Variants in BBS9 observed in about 807,000 individuals in gnomAD.
BBS9 encodes Bardet-Biedl syndrome 9.
A neutral mutation model predicts 117.7 loss-of-function variants in BBS9; 89 were observed. The observed-to-expected ratio is 0.76, with a 90% CI of 0.64 to 0.90. The LOEUF (loss-of-function observed/expected upper bound fraction) is 0.90, where lower values mean the gene tolerates loss of function less well. Ranked by LOEUF, BBS9 falls within the 40% of genes least tolerant of loss-of-function variation. The pLI is 0.00. For missense variants in BBS9, 982 were observed against 1,042.2 expected, an observed-to-expected ratio of 0.94 and a Z score of 0.80; for synonymous variants, 379 against 370.9, an observed-to-expected ratio of 1.02 and a Z score of -0.25.
At chr7:33,319,162 C>CAAA (rs766634541) in intron 9 of BBS9, among the ~76,000 whole-genome samples, 5 of 127,014 alleles carry the variant, frequency 3.9e-5, no homozygotes, top group African/African-American at 1.2e-4. Flanking sequence ...GACTCTATGT[C>CAAA]AAAAAAAAAA....
At chr7:33,234,176 A>G (rs559289179) in intron 5 of BBS9, among the ~76,000 whole-genome samples, 5 of 152,194 alleles carry the variant, frequency 3.3e-5, no homozygotes, top group Admixed American at 1.3e-4. Context: ...CAAGATTACT[A>G]TGTCTAATTT....
chr7:33,605,544 G>A lies in BBS9; in HGVS notation c.*318G>A, dbSNP rs1471042593. The A allele has an allele frequency of 5.5e-6, 2 of 361,484 alleles. No individual in the cohort carries two copies. The highest frequency in any genetic ancestry group is 3.8e-5 in the South Asian group (1 of 26,226). The allele number at this position is 361,484 out of a possible 1,614,324, so 22.4% of individuals were successfully genotyped here. Reference sequence around the variant, plus strand: ...TTAGATTTTATAATGCAAAGATTCAGATCCAAAATAATTTCATACCCCATT... The same window carrying A: ...TTAGATTTTATAATGCAAAGATTCAAATCCAAAATAATTTCATACCCCATT... On this transcript the variant is annotated 3_prime_UTR_variant, in exon 23 of 23. Coordinates refer to ENST00000242067, the MANE Select transcript of BBS9 (RefSeq NM_198428.3).
chr7:33,317,317 A>G (rs1003616212), intron 9 of BBS9, among the ~76,000 whole-genome samples: 3 of 151,742 alleles, frequency 2.0e-5, no homozygotes, highest in Non-Finnish European at 2.9e-5. Flanking sequence ...TCTTTTTTCA[A>G]GGTTGTTTTG....
At chr7:33,354,555 A>C (rs1465894958) in intron 15 of BBS9, among the ~76,000 whole-genome samples, 1 of 152,154 alleles carries the variant, frequency 6.6e-6, no homozygotes, top group Non-Finnish European at 1.5e-5. Flanking sequence ...CCTTGTTTTC[A>C]ATATGAAATT....
At chr7:33,512,856 T>C (rs1847173567) in intron 20 of BBS9, among the ~76,000 whole-genome samples, 1 of 152,242 alleles carries the variant, frequency 6.6e-6, no homozygotes, top group African/African-American at 2.4e-5. Context: ...GAAATCTTTC[T>C]GGAAACGCCC....
At chr7:33,148,705 C>G (rs970950803) in intron 2 of BBS9, among the ~76,000 whole-genome samples, 3 of 147,540 alleles carry the variant, frequency 2.0e-5, no homozygotes, top group African/African-American at 7.6e-5. Context: ...TGCTCTGCTG[C>G]CCAGGATGGA....
chr7:33,252,133 GGTGCTACACACTTTTAAACAACAA>G (rs2128302949), intron 5 of BBS9, among the ~76,000 whole-genome samples: 1 of 152,072 alleles, frequency 6.6e-6, no homozygotes, highest in South Asian at 2.1e-4. Flanking sequence ...GGAGGGGGGA[GGTGCTACACACTTTTAAACAACAA>G]GATGTCGTGA....
At chr7:33,264,618 G>A (rs1798507112) in intron 7 of BBS9, among the ~76,000 whole-genome samples, 1 of 152,058 alleles carries the variant, frequency 6.6e-6, no homozygotes, top group Admixed American at 6.5e-5. Flanking sequence ...TGGATATCCA[G>A]ATGGAGTCAC....
intron 5 of BBS9, among the ~76,000 whole-genome samples, chr7:33,200,059 T>C (rs1785585278): frequency 6.6e-6 from 1 of 151,796 alleles, no homozygotes; most frequent in African/African-American, 2.4e-5. Flanking sequence ...GATTGTGTGA[T>C]CACACCCTAT....
intron 9 of BBS9, among the ~76,000 whole-genome samples, chr7:33,323,652 G>GA (rs1812188638): frequency 6.6e-6 from 1 of 151,776 alleles, no homozygotes; most frequent in African/African-American, 2.4e-5. Context: ...TGTGTTTCTT[G>GA]TAGGCAGCTG....
At chr7:33,475,505 A>G (rs1841677215) in intron 19 of BBS9, among the ~76,000 whole-genome samples, 1 of 151,794 alleles carries the variant, frequency 6.6e-6, no homozygotes, top group Non-Finnish European at 1.5e-5. Context: ...ATATTTCTCT[A>G]TTGTGGGGCT....
intron 3 of BBS9, among the ~76,000 whole-genome samples, chr7:33,153,293 C>A (rs1419082648): frequency 2.6e-5 from 4 of 152,134 alleles, no homozygotes; most frequent in Non-Finnish European, 5.9e-5. Context: ...GAAGTCAGTT[C>A]AACCCACAAA....
At chr7:33,572,430 C>A (rs1158378896) in intron 21 of BBS9, among the ~76,000 whole-genome samples, 2 of 151,932 alleles carry the variant, frequency 1.3e-5, no homozygotes, top group African/African-American at 2.4e-5. Flanking sequence ...TTCAATATAC[C>A]AATTTCCTTT....
At chr7:33,171,906 C>G (rs1369876676) in intron 4 of BBS9, among the ~76,000 whole-genome samples, 2 of 152,058 alleles carry the variant, frequency 1.3e-5, no homozygotes, top group African/African-American at 4.8e-5. Context: ...TTATGAAGGT[C>G]AAGGCCTCTC....
At chr7:33,455,572 G>C (rs1838527607) in intron 19 of BBS9, among the ~76,000 whole-genome samples, 1 of 152,036 alleles carries the variant, frequency 6.6e-6, no homozygotes, top group Non-Finnish European at 1.5e-5. Context: ...GACAAAGTTG[G>C]TCTGGCTTTT....
chr7:33,310,026 C>G (rs941333283), intron 9 of BBS9, among the ~76,000 whole-genome samples: 2 of 152,218 alleles, frequency 1.3e-5, no homozygotes, highest in African/African-American at 4.8e-5. Context: ...CAACAAATAT[C>G]TGTGTGTCTG....
intron 17 of BBS9, among the ~76,000 whole-genome samples, chr7:33,372,392 G>A (rs1232132799): frequency 6.6e-6 from 1 of 152,056 alleles, no homozygotes; most frequent in Non-Finnish European, 1.5e-5. Context: ...TGCTTTTTCT[G>A]CATCTATTGA....
At chr7:33,219,497 A>G (rs1220232120) in intron 5 of BBS9, among the ~76,000 whole-genome samples, 5 of 152,124 alleles carry the variant, frequency 3.3e-5, no homozygotes, top group East Asian at 3.9e-4. Context: ...AAATACACCA[A>G]TCGGCACTCT....
intron 21 of BBS9, among the ~76,000 whole-genome samples, chr7:33,587,419 CT>C (rs1440881944): frequency 4.6e-5 from 7 of 152,078 alleles, no homozygotes; most frequent in African/African-American, 1.7e-4. Context: ...TTCAGTTGAT[CT>C]TTTTGGTGTT....
Sources: allele counts gnomAD v4.1 joint callset (sites outside exome capture counted in the v4.1 genomes callset), GRCh38; gene constraint gnomAD v4.1.1; transcripts MANE v1.5; gene names NCBI Gene and HGNC (gene_info 2026-07-23, HGNC 2026-07-21).